STK31: variants seen among roughly 807,000 people sequenced by gnomAD.
The protein encoded by STK31 is serine/threonine-protein kinase 31.
Under a neutral mutation model 129.7 loss-of-function variants are expected in STK31, and 89 were observed. That is an observed-to-expected ratio of 0.69 (90% confidence interval 0.58 to 0.82). The LOEUF is 0.82. Among genes scored for constraint, STK31 ranks in the 40% least tolerant of loss-of-function variants. The probability of loss-of-function intolerance (pLI) is 0.00; values close to 1 mark genes in which losing one functional copy is unlikely to be tolerated. For missense variants in STK31, 1,187 were observed against 1,176.4 expected (o/e 1.01, Z -0.13); for synonymous variants, 448 against 395.3 (o/e 1.13, Z -1.58).
At chr7:23,735,938 G>A (rs368797424) in intron 7 of STK31, 42 bp downstream of exon 7, 17 of 1,466,092 alleles carry the variant, frequency 1.2e-5, no homozygotes, top group Non-Finnish European at 3.7e-6. Context: ...GATGGTAGAG[G>A]TCCCTGTCAT....
At position 23,710,257 on chromosome 7, in the gene STK31, T is replaced by C. The variant is rs1785843817; in HGVS notation, c.-29T>C. 1.4e-5 allele frequency: 22 copies of C among 1,604,370 alleles called. No homozygotes were observed. Among genetic ancestry groups the C allele is most frequent in the Non-Finnish European group, 1.9e-5 (22 of 1,176,790 alleles). On this transcript the variant is annotated 5_prime_UTR_variant, in exon 1 of 24. Transcript: ENST00000355870. ...ACGCGGTAAGCCGCTGCACGTGTGC[T>C]ACGGCGGGCGGAGGGCCGAAAGTCC...
chr7:23,746,558 G>A (rs1458040213), intron 8 of STK31, among the ~76,000 whole-genome samples: 2 of 152,182 alleles, frequency 1.3e-5, no homozygotes, highest in African/African-American at 4.8e-5. Context: ...TGAAGCCCCT[G>A]TCTGAAATAA....
intron 22 of STK31, among the ~76,000 whole-genome samples, chr7:23,804,991 C>G (rs1792607841): frequency 6.6e-6 from 1 of 152,100 alleles, no homozygotes; most frequent in Admixed American, 6.6e-5. Flanking sequence ...TCCTGTTCTT[C>G]TGTTTAGTCT....
At position 23,824,658 on chromosome 7, in the gene STK31, G is replaced by T. The variant is rs533682136; in HGVS notation, c.2830-7478G>T. Among the ~76,000 whole-genome samples, 329 of 152,268 alleles carry T rather than the reference G, an allele frequency of 2.2e-3. 1 individual carries two copies. The highest frequency in any genetic ancestry group is 7.4e-3 in the African/African-American group (309 of 41,554). On this transcript the variant is annotated intron_variant, in intron 23 of 23. Transcript: ENST00000355870. The stretch of plus-strand genomic sequence containing the variant: ...TGTTGAATAGGAGTGGTGAGAGAGG[G>T]CATCCCTGTCTTGTGCCAGTTTTCA...
chr7:23,713,706 G>C (rs1171732546), intron 3 of STK31, among the ~76,000 whole-genome samples: 1 of 151,876 alleles, frequency 6.6e-6, no homozygotes, highest in Non-Finnish European at 1.5e-5. Context: ...TCCGCTTCTT[G>C]TCCTACTAGA....
intron 4 of STK31, 69 bp from the exon 5 acceptor site, chr7:23,727,172 T>C: frequency 7.8e-7 from 1 of 1,289,248 alleles, no homozygotes; most frequent in Non-Finnish European, 1.1e-6. Flanking sequence ...GCTTAAATGC[T>C]AACCTTTATT....
At chr7:23,809,084 A>G (rs1225322009) in intron 22 of STK31, among the ~76,000 whole-genome samples, 2 of 151,878 alleles carry the variant, frequency 1.3e-5, no homozygotes, top group Non-Finnish European at 2.9e-5. Flanking sequence ...CTCAAGTGGC[A>G]AGGTCCTAGC....
In STK31 at chr7:23,754,458, A is replaced by G. The variant is rs1478943282; in HGVS notation, c.1277A>G (p.Lys426Arg). 1 of 1,610,932 alleles carries G rather than the reference A, an allele frequency of 6.2e-7. No homozygotes were observed. The highest frequency in any genetic ancestry group is 8.5e-7 in the Non-Finnish European group (1 of 1,179,326). ...AEYSLAQENI[K>R]TCEYVSEGNI... ...TACAGTCTGGCTCAGGAGAATATTA[A>G]AACTTGTGAATATGTGGTGAGTTGG... The change falls in exon 10 of 24, where the codon AAA (lysine) becomes AGA (arginine). Residue 426 changes from lysine to arginine, a missense_variant. Coordinates refer to ENST00000355870, the MANE Select transcript of STK31 (RefSeq NM_031414.5).
At chr7:23,786,751 G>T in intron 19 of STK31, 87 bp from the exon 20 acceptor site, 1 of 1,540,966 alleles carries the variant, frequency 6.5e-7, no homozygotes. Flanking sequence ...TAACATAAAA[G>T]AAAAATTATC....
intron 20 of STK31, 75 bp downstream of exon 20, chr7:23,786,999 C>A: frequency 2.1e-6 from 3 of 1,398,810 alleles, no homozygotes; most frequent in Non-Finnish European, 3.0e-6. Context: ...TTCAGGCATA[C>A]TACATGCTAT....
intron 8 of STK31, among the ~76,000 whole-genome samples, chr7:23,744,851 C>T (rs1242425736): frequency 6.6e-6 from 1 of 152,034 alleles, no homozygotes; most frequent in Non-Finnish European, 1.5e-5. Flanking sequence ...GCCAAGTATG[C>T]TTGTCCTTGG....
chr7:23,776,959 AG>A (rs1196743040), intron 15 of STK31, among the ~76,000 whole-genome samples: 2 of 152,182 alleles, frequency 1.3e-5, no homozygotes, highest in Non-Finnish European at 2.9e-5. Context: ...GTGGGCATTT[AG>A]TGCTATAAAT....
rs145371429 is a variant in STK31 at position 23,725,456 on chromosome 7, T to C, written c.250-1785T>C. On this transcript the variant is annotated intron_variant, in intron 4 of 23. Transcript: ENST00000355870. ...TATTTGGGAGGCTGAAGCGGGAGGA[T>C]TGTGTGAGCCCAGAAGTTTGAGGCT... 6.0e-5 allele frequency among the ~76,000 whole-genome samples: 9 copies of C among 149,386 alleles called. No individual in the cohort carries two copies. In the East Asian group the frequency reaches 1.8e-3, roughly 30 times the overall value.
chr7:23,797,092 C>T (rs1479858516), intron 22 of STK31, among the ~76,000 whole-genome samples: 2 of 152,154 alleles, frequency 1.3e-5, no homozygotes, highest in Non-Finnish European at 2.9e-5. Context: ...GCACCCAATA[C>T]AAGAGCACCA....
chr7:23,799,997 T>G (rs966061296), intron 22 of STK31, among the ~76,000 whole-genome samples: 4 of 152,178 alleles, frequency 2.6e-5, no homozygotes, highest in African/African-American at 9.7e-5. Context: ...TCATCATCAC[T>G]GGTCATTAGA....
intron 10 of STK31, among the ~76,000 whole-genome samples, chr7:23,759,424 A>G (rs548446941): frequency 2.0e-5 from 3 of 152,330 alleles, no homozygotes; most frequent in Admixed American, 1.3e-4. Flanking sequence ...AATCATAACA[A>G]ACAGTCTCTC....
At chr7:23,824,844 T>G (rs535859837) in intron 23 of STK31, among the ~76,000 whole-genome samples, 5,269 of 151,820 alleles carry the variant, frequency 0.035, 325 homozygotes, top group African/African-American at 0.12. Context: ...TTTCTGCATC[T>G]ATTGAGATAA....
chr7:23,787,958 T>A (rs775550121), intron 20 of STK31, 22 bp from the exon 21 acceptor site: 5 of 1,494,900 alleles, frequency 3.3e-6, no homozygotes, highest in Non-Finnish European at 4.5e-6. Flanking sequence ...TCCTCACTTC[T>A]TTTATGTGTA....
chr7:23,724,395 A>G (rs575701869), intron 4 of STK31, among the ~76,000 whole-genome samples: 3 of 152,328 alleles, frequency 2.0e-5, no homozygotes, highest in African/African-American at 7.2e-5. Flanking sequence ...CCAGCTAGAG[A>G]GAGTCTTACT....
Sources: gnomAD v4.1 joint callset for allele counts (sites outside exome capture counted in the v4.1 genomes callset) on GRCh38, gnomAD v4.1.1 for gene constraint, MANE v1.5 for transcripts, NCBI Gene and HGNC (gene_info 2026-07-23, HGNC 2026-07-21) for gene names.